The following CCDC148 variants were observed in gnomAD, a reference collection of about 807,000 sequenced individuals.
CCDC148 encodes the protein coiled-coil domain containing 148.
In CCDC148, 89 loss-of-function variants were observed where a neutral mutation model predicts 85.7. The ratio of observed to expected loss-of-function variants is 1.04; its 90% CI spans 0.87 to 1.24. The LOEUF is 1.24. Among genes scored for constraint, CCDC148 ranks in the 50% most tolerant of loss-of-function variants. The pLI is 0.00. For missense variants in CCDC148, 692 were observed against 671.7 expected, an observed-to-expected ratio of 1.03 and a Z score of -0.33; for synonymous variants, 230 against 213.9, an observed-to-expected ratio of 1.08 and a Z score of -0.66.
intron 2 of CCDC148, 121 bp downstream of exon 2, chr2:158,358,328 C>T (rs1259926104): frequency 8.4e-7 from 1 of 1,184,310 alleles, no homozygotes; most frequent in African/African-American, 1.6e-5. Flanking sequence ...ACTATTATTT[C>T]TACTTGGGAG....
chr2:158,206,690 T>C lies in CCDC148; in HGVS notation c.1370+13905A>G, dbSNP rs372244471. Among the ~76,000 whole-genome samples, 213 of 152,332 alleles carry C rather than the reference T, an allele frequency of 1.4e-3. 5 individuals carry two copies. The highest frequency in any genetic ancestry group is 5.0e-3 in the African/African-American group (208 of 41,568). Reference sequence around the variant, plus strand: ...CATTTTGTGGGCAGTAGCTAATGGTTTGGCCAGTAGATTAGGGACACTGAA... The same window carrying C: ...CATTTTGTGGGCAGTAGCTAATGGTCTGGCCAGTAGATTAGGGACACTGAA... On this transcript the variant is annotated intron_variant, in intron 11 of 13. Coordinates refer to ENST00000283233, the MANE Select transcript of CCDC148 (RefSeq NM_138803.4).
chr2:158,438,876 T>A (rs374823351), intron 1 of CCDC148, among the ~76,000 whole-genome samples: 2 of 152,154 alleles, frequency 1.3e-5, no homozygotes, highest in South Asian at 2.1e-4. Flanking sequence ...CATGAAAAAA[T>A]GCTCATCATC....
chr2:158,252,111 C>A (rs895987593), intron 9 of CCDC148, among the ~76,000 whole-genome samples: 1 of 151,832 alleles, frequency 6.6e-6, no homozygotes, highest in Non-Finnish European at 1.5e-5. Context: ...CAGTTAAATA[C>A]TTCATTTCTT....
At chr2:158,286,270 CTT>C (rs1690620019) in intron 9 of CCDC148, among the ~76,000 whole-genome samples, 1 of 151,964 alleles carries the variant, frequency 6.6e-6, no homozygotes, top group Non-Finnish European at 1.5e-5. Flanking sequence ...AACAATAAAA[CTT>C]TACAAGAGGC....
chr2:158,290,193 A>G (rs758489014), intron 9 of CCDC148, among the ~76,000 whole-genome samples: 2 of 152,196 alleles, frequency 1.3e-5, no homozygotes, highest in Non-Finnish European at 2.9e-5. Flanking sequence ...AGGAGGGCAC[A>G]AGCTGGGAGC....
chr2:158,340,748 C>A (rs1682643691), intron 3 of CCDC148, 68 bp from the exon 4 acceptor site: 1 of 914,218 alleles, frequency 1.1e-6, no homozygotes, highest in South Asian at 1.7e-5. Context: ...AAAAAATAAC[C>A]AAAGAGATAT....
At chr2:158,451,235 T>C (rs560239890) in intron 1 of CCDC148, among the ~76,000 whole-genome samples, 3 of 152,362 alleles carry the variant, frequency 2.0e-5, no homozygotes, top group Admixed American at 6.5e-5. Context: ...TGTTTTGAAT[T>C]AGTTGTATAC....
intron 7 of CCDC148, among the ~76,000 whole-genome samples, chr2:158,327,447 A>G (rs1223837681): frequency 6.6e-6 from 1 of 152,192 alleles, no homozygotes; most frequent in Non-Finnish European, 1.5e-5. Context: ...TCAGGAAGCT[A>G]TAATGTCAGA....
chr2:158,317,921 C>T (rs1379025104), intron 7 of CCDC148, among the ~76,000 whole-genome samples: 1 of 152,186 alleles, frequency 6.6e-6, no homozygotes, highest in African/African-American at 2.4e-5. Flanking sequence ...TAAAGCAGAA[C>T]AGTGTTAGGG....
At chr2:158,186,488 A>G (rs1273635320) in intron 11 of CCDC148, among the ~76,000 whole-genome samples, 1 of 151,930 alleles carries the variant, frequency 6.6e-6, no homozygotes, top group Non-Finnish European at 1.5e-5. Context: ...ACCTTACTCA[A>G]TCTGTGACTT....
intron 7 of CCDC148, among the ~76,000 whole-genome samples, chr2:158,337,480 G>A (rs1483771432): frequency 6.6e-6 from 1 of 152,168 alleles, no homozygotes; most frequent in Non-Finnish European, 1.5e-5. Context: ...AGACTTAAGT[G>A]TAGTGCATGG....
intron 1 of CCDC148, among the ~76,000 whole-genome samples, chr2:158,398,949 C>T (rs925084169): frequency 2.6e-5 from 4 of 152,020 alleles, no homozygotes; most frequent in Non-Finnish European, 4.4e-5. Context: ...GGGATATCAC[C>T]ACCGATCCCA....
At chr2:158,194,272 C>G (rs1172136441) in intron 11 of CCDC148, among the ~76,000 whole-genome samples, 21 of 152,032 alleles carry the variant, frequency 1.4e-4, no homozygotes, top group Admixed American at 1.4e-3. Context: ...CATTAAAAAT[C>G]AAAGACAAGA....
intron 1 of CCDC148, among the ~76,000 whole-genome samples, chr2:158,365,806 A>T (rs910889150): frequency 1.6e-4 from 24 of 151,590 alleles, no homozygotes; most frequent in East Asian, 5.8e-4. Flanking sequence ...AAAGTATAAT[A>T]AAAAAAAGGA....
intron 2 of CCDC148, among the ~76,000 whole-genome samples, chr2:158,352,701 G>T (rs572240291): frequency 1.3e-5 from 2 of 151,546 alleles, no homozygotes; most frequent in African/African-American, 4.9e-5. Flanking sequence ...GCAGGCCAAT[G>T]TTCAGATTCA....
chr2:158,340,501 A>G (rs1387392885), intron 4 of CCDC148, 97 bp downstream of exon 4: 1 of 1,427,626 alleles, frequency 7.0e-7, no homozygotes, highest in Non-Finnish European at 9.6e-7. Context: ...AGAAAAAAAC[A>G]AATGGCAGTT....
At chr2:158,410,960 T>C (rs183183673) in intron 1 of CCDC148, among the ~76,000 whole-genome samples, 4 of 152,222 alleles carry the variant, frequency 2.6e-5, no homozygotes, top group Admixed American at 6.5e-5. Flanking sequence ...TAAAGGATAG[T>C]TTTGCAAGGT....
At position 158,391,540 on chromosome 2, in the gene CCDC148, T is replaced by C. The variant is rs919453179; in HGVS notation, c.26-32970A>G. Among the ~76,000 whole-genome samples the C allele has an allele frequency of 1.5e-4, 23 of 152,196 alleles. 1 individual carries two copies. The highest frequency in any genetic ancestry group is 1.5e-3 in the Admixed American group (23 of 15,272). ...ATTTCTGAAAACACAAGTATATTGC[T>C]AGTCCATATTGCTTGCCTCAGCACT... On this transcript the variant is annotated intron_variant, in intron 1 of 13. Coordinates refer to ENST00000283233, the MANE Select transcript of CCDC148 (RefSeq NM_138803.4).
At chr2:158,219,054 T>A in intron 11 of CCDC148, among the ~76,000 whole-genome samples, 1 of 152,184 alleles carries the variant, frequency 6.6e-6, no homozygotes, top group East Asian at 1.9e-4. Context: ...TGAATCTCAT[T>A]GTATCAAATG....
Sources: allele counts gnomAD v4.1 joint callset (sites outside exome capture counted in the v4.1 genomes callset), GRCh38; gene constraint gnomAD v4.1.1; transcripts MANE v1.5; gene names NCBI Gene and HGNC (gene_info 2026-07-23, HGNC 2026-07-21).